IGF2BP3: variants seen among roughly 807,000 people sequenced by gnomAD.
The protein encoded by IGF2BP3 is insulin like growth factor 2 mRNA binding protein 3, also known as insulin-like growth factor 2 mRNA-binding protein 3.
Under a neutral mutation model 73.8 loss-of-function variants are expected in IGF2BP3, and 9 were observed. The observed-to-expected ratio is 0.12, with a 90% CI of 0.07 to 0.21. IGF2BP3 has a LOEUF of 0.21. Ranked by LOEUF, IGF2BP3 falls within the 10% of genes least tolerant of loss-of-function variation. IGF2BP3 has a pLI of 1.00. For missense variants in IGF2BP3, 542 were observed against 714.0 expected (o/e 0.76, Z 2.75); for synonymous variants, 258 against 256.7 (o/e 1.01, Z -0.05).
intron 10 of IGF2BP3, among the ~76,000 whole-genome samples, chr7:23,323,106 A>G (rs1311345168): frequency 6.6e-6 from 1 of 152,202 alleles, no homozygotes; most frequent in Non-Finnish European, 1.5e-5. Context: ...TAAATGCTCC[A>G]ATTAAAAGAC....
intron 10 of IGF2BP3, among the ~76,000 whole-genome samples, chr7:23,336,363 G>T (rs1385195794): frequency 1.3e-5 from 2 of 151,838 alleles, no homozygotes; most frequent in African/African-American, 4.8e-5. Context: ...TCATCAGCAA[G>T]TATAGATACC....
Position 23,347,601 on chromosome 7 carries a change from A to G in IGF2BP3, c.817T>C (p.Phe273Leu), listed in dbSNP as rs929290976. The G allele has an allele frequency of 4.6e-5, 74 of 1,612,752 alleles. No homozygotes were observed. The highest frequency in any genetic ancestry group is 5.9e-5 in the Non-Finnish European group (70 of 1,179,670). ...CACAGGACAATCTTCTTTACTCACA[A>G]TTTTATATCTTGAGCTTCCTTATGC... Reference protein sequence around the residue: ...IMHKEAQDIKFTEEIPLKILA... With the variant: ...IMHKEAQDIKLTEEIPLKILA... Residue 273 changes from phenylalanine to leucine, a missense_variant and splice_region_variant, in exon 7 of 15, where the codon TTC (phenylalanine) becomes CTC (leucine). By Grantham distance (22) the Phe-to-Leu change is conservative. This residue lies in a region of IGF2BP3 where 303 missense variants were observed against 472.1 expected (regional missense o/e 0.64). Transcript: ENST00000258729.
chr7:23,382,894 C>CA (rs57466793), intron 3 of IGF2BP3, among the ~76,000 whole-genome samples: 18,814 of 49,096 alleles, frequency 0.38, 3,988 homozygotes, highest in African/African-American at 0.61. Flanking sequence ...CTAGCTCTAC[C>CA]AAAAAAAAAA....
At chr7:23,405,996 C>T (rs868402332) in intron 3 of IGF2BP3, among the ~76,000 whole-genome samples, 3 of 151,512 alleles carry the variant, frequency 2.0e-5, no homozygotes, top group Non-Finnish European at 2.9e-5. Context: ...ACTCTACAAC[C>T]GGTGAGTTCT....
chr7:23,339,600 T>TGTTGATTGGAACATGTCACCA (rs1408168081), intron 10 of IGF2BP3, among the ~76,000 whole-genome samples: 3 of 152,328 alleles, frequency 2.0e-5, no homozygotes, highest in Admixed American at 2.0e-4. Context: ...TGAAAAGCTT[T>TGTTGATTGGAACATGTCACCA]GTTGATTGGA....
intron 3 of IGF2BP3, among the ~76,000 whole-genome samples, chr7:23,368,343 A>AAAAGAAAGAGAAAGAAAGAAAGAAAG (rs139877117): frequency 3.6e-5 from 5 of 138,028 alleles, no homozygotes; most frequent in African/African-American, 1.4e-4. Context: ...AAGAAAGAAA[A>AAAAGAAAGAGAAAGAAAGAAAGAAAG]AAAGAAAGAA....
intron 2 of IGF2BP3, among the ~76,000 whole-genome samples, chr7:23,438,538 C>CAAT (rs70954371): frequency 0.37 from 55,750 of 151,772 alleles, 10,549 homozygotes; most frequent in Middle Eastern, 0.42. Flanking sequence ...CACTAACTGA[C>CAAT]AAAAGATCCA....
At chr7:23,376,157 GC>G (rs1785711127) in intron 3 of IGF2BP3, among the ~76,000 whole-genome samples, 1 of 152,204 alleles carries the variant, frequency 6.6e-6, no homozygotes, top group Non-Finnish European at 1.5e-5. Flanking sequence ...GCTAACAGAT[GC>G]TAACATCAAC....
intron 3 of IGF2BP3, among the ~76,000 whole-genome samples, chr7:23,382,909 A>AAAAAAAAAAAAAAAAAC: frequency 6.6e-6 from 1 of 150,726 alleles, no homozygotes; most frequent in Non-Finnish European, 1.5e-5. Flanking sequence ...AAAAAAAAAA[A>AAAAAAAAAAAAAAAAAC]AAAAAAAAAA....
chr7:23,342,045 C>A lies in IGF2BP3; in HGVS notation c.1203+19G>T, dbSNP rs778799294. The A allele has an allele frequency of 2.9e-5, 44 of 1,543,088 alleles. No individual in the cohort carries two copies. The highest frequency in any genetic ancestry group is 3.7e-5 in the Non-Finnish European group (43 of 1,151,976). On this transcript the variant is annotated intron_variant, in intron 10 of 14. Coordinates refer to ENST00000258729, the MANE Select transcript of IGF2BP3 (RefSeq NM_006547.3). The stretch of plus-strand genomic sequence containing the variant: ...AGATTTTGCCCAATCACAAAGAAAG[C>A]CAAGGCCAGTTATCTTACCTCAAAC...
intron 2 of IGF2BP3, among the ~76,000 whole-genome samples, chr7:23,439,356 C>T (rs1277214095): frequency 6.6e-6 from 1 of 151,440 alleles, no homozygotes; most frequent in Non-Finnish European, 1.5e-5. Flanking sequence ...ATCTCAAGAC[C>T]ATCCTGGCTA....
intron 3 of IGF2BP3, among the ~76,000 whole-genome samples, chr7:23,381,640 C>T (rs1333239740): frequency 6.6e-6 from 1 of 152,042 alleles, no homozygotes; most frequent in Non-Finnish European, 1.5e-5. Flanking sequence ...ATGACCTCAT[C>T]TCACTGCAAC....
intron 12 of IGF2BP3, among the ~76,000 whole-genome samples, chr7:23,316,504 C>A (rs1361831327): frequency 6.6e-6 from 1 of 151,798 alleles, no homozygotes; most frequent in Non-Finnish European, 1.5e-5. Context: ...CATGGTGAAA[C>A]CCCATCTCTA....
intron 3 of IGF2BP3, among the ~76,000 whole-genome samples, chr7:23,405,574 G>A (rs376685279): frequency 1.1e-3 from 165 of 152,312 alleles, no homozygotes; most frequent in African/African-American, 3.7e-3. Flanking sequence ...GAGGTGAGCA[G>A]GCTTAAATGC....
intron 2 of IGF2BP3, among the ~76,000 whole-genome samples, chr7:23,430,083 C>T (rs1020004981): frequency 6.6e-6 from 1 of 150,600 alleles, no homozygotes; most frequent in African/African-American, 2.5e-5. Flanking sequence ...TTCTTCTTTG[C>T]CTCTTTTTTT....
intron 2 of IGF2BP3, among the ~76,000 whole-genome samples, chr7:23,458,290 T>A (rs1301967076): frequency 6.6e-6 from 1 of 152,070 alleles, no homozygotes; most frequent in Non-Finnish European, 1.5e-5. Context: ...AGACCTCATA[T>A]CCCACATCCT....
At chr7:23,342,596 T>G (rs1345150145) in intron 9 of IGF2BP3, among the ~76,000 whole-genome samples, 1 of 152,132 alleles carries the variant, frequency 6.6e-6, no homozygotes, top group Non-Finnish European at 1.5e-5. Context: ...TATTAAGAGA[T>G]CTTTACTTGC....
At chr7:23,448,030 G>C (rs756394231) in intron 2 of IGF2BP3, among the ~76,000 whole-genome samples, 5 of 152,112 alleles carry the variant, frequency 3.3e-5, no homozygotes, top group Non-Finnish European at 7.4e-5. Flanking sequence ...AAGTCAGCCA[G>C]TTATTTTTTA....
chr7:23,355,225 ATT>A (rs572013397), intron 5 of IGF2BP3, among the ~76,000 whole-genome samples: 8 of 119,338 alleles, frequency 6.7e-5, no homozygotes, highest in Admixed American at 8.0e-5. Flanking sequence ...TTTTATTTTT[ATT>A]TTTTTTTTTT....
Sources: allele counts gnomAD v4.1 joint callset (sites outside exome capture counted in the v4.1 genomes callset), GRCh38; gene constraint gnomAD v4.1.1; regional missense constraint gnomAD v4.1.1; transcripts MANE v1.5; gene names NCBI Gene and HGNC (gene_info 2026-07-23, HGNC 2026-07-21).